Variants in RTN4 observed in about 807,000 individuals in gnomAD.
RTN4 encodes the protein reticulon 4.
RTN4 carries 32 observed loss-of-function variants against 90.4 expected under a neutral mutation model. That is an observed-to-expected ratio of 0.35 (90% confidence interval 0.27 to 0.48). The LOEUF is 0.48. Among genes scored for constraint, RTN4 ranks in the 20% least tolerant of loss-of-function variants. The pLI is 0.99. For synonymous variants in RTN4, 629 were observed against 552.5 expected, an observed-to-expected ratio of 1.14 and a Z score of -1.94; for missense variants, 1,706 against 1,430.2, an observed-to-expected ratio of 1.19 and a Z score of -3.11.
chr2:55,024,521 G>C (rs1339769024), intron 3 of RTN4, among the ~76,000 whole-genome samples: 2 of 151,908 alleles, frequency 1.3e-5, no homozygotes, highest in Non-Finnish European at 2.9e-5. Context: ...AAAATGGATA[G>C]TCAAAAGAAA....
chr2:55,113,952 G>C (rs553216205), upstream of RTN4, among the ~76,000 whole-genome samples: 1 of 152,214 alleles, frequency 6.6e-6, no homozygotes. Context: ...AAACTGGGCT[G>C]TGAAAGAAAC....
chr2:55,028,934 T>A (rs1682103494), intron 1 of RTN4, among the ~76,000 whole-genome samples: 1 of 152,216 alleles, frequency 6.6e-6, no homozygotes, highest in East Asian at 1.9e-4. Flanking sequence ...ATTTCCTTAA[T>A]CACTGTATGT....
intron 3 of RTN4, 89 bp from the exon 4 acceptor site, chr2:54,987,787 A>C: frequency 9.7e-7 from 1 of 1,030,848 alleles, no homozygotes; most frequent in Non-Finnish European, 1.4e-6. Context: ...GCTACTACAT[A>C]AAGTAAAATC....
chr2:55,016,251 T>C (rs1221685321), intron 3 of RTN4, among the ~76,000 whole-genome samples: 2 of 152,142 alleles, frequency 1.3e-5, no homozygotes, highest in African/African-American at 4.8e-5. Flanking sequence ...ATATAGAGTA[T>C]GATTCCAATT....
intron 3 of RTN4, among the ~76,000 whole-genome samples, chr2:54,993,482 T>C (rs1007097011): frequency 6.6e-6 from 1 of 152,238 alleles, no homozygotes; most frequent in Non-Finnish European, 1.5e-5. Flanking sequence ...AAGTTAATGA[T>C]ACCAGAATAG....
At chr2:55,028,565 A>G (rs1682078297) in intron 1 of RTN4, among the ~76,000 whole-genome samples, 1 of 152,230 alleles carries the variant, frequency 6.6e-6, no homozygotes, top group Admixed American at 6.5e-5. Flanking sequence ...TCACATAGGT[A>G]AATTGTCTTG....
chr2:54,979,479 A>T (rs116539669), intron 5 of RTN4, among the ~76,000 whole-genome samples: 158 of 152,376 alleles, frequency 1.0e-3, no homozygotes, highest in African/African-American at 3.6e-3. Flanking sequence ...ATAAAAAAGC[A>T]AAGTGATTTT....
intron 2 of RTN4, among the ~76,000 whole-genome samples, chr2:55,076,751 A>T (rs1668607800): frequency 6.6e-6 from 1 of 151,916 alleles, no homozygotes; most frequent in Non-Finnish European, 1.5e-5. Flanking sequence ...CTTGGGAGGG[A>T]CCCAGTGGGA....
chr2:55,020,518 T>G (rs1039948360), intron 3 of RTN4, among the ~76,000 whole-genome samples: 1 of 152,120 alleles, frequency 6.6e-6, no homozygotes, highest in Non-Finnish European at 1.5e-5. Context: ...ATTCCAATAG[T>G]AAGAATATAG....
chr2:54,979,365 CCTT>C (rs1558757492), intron 5 of RTN4, among the ~76,000 whole-genome samples: 1 of 152,066 alleles, frequency 6.6e-6, no homozygotes, highest in African/African-American at 2.4e-5. Flanking sequence ...GCCAGGAAAA[CCTT>C]CTTCTTTTTA....
intron 3 of RTN4, among the ~76,000 whole-genome samples, chr2:54,993,285 T>C (rs1320375160): frequency 6.6e-6 from 1 of 152,158 alleles, no homozygotes; most frequent in African/African-American, 2.4e-5. Flanking sequence ...CCCCATTCTG[T>C]TTCTATTCGG....
At chr2:54,973,266 A>G in intron 8 of RTN4, 68 bp from the exon 9 acceptor site, 1 of 1,291,604 alleles carries the variant, frequency 7.7e-7, no homozygotes, top group Non-Finnish European at 1.1e-6. Context: ...ATCTTCCAAG[A>G]ACTACTTGTA....
At chr2:54,996,996 C>T (rs1367891831) in intron 3 of RTN4, among the ~76,000 whole-genome samples, 4 of 151,948 alleles carry the variant, frequency 2.6e-5, no homozygotes, top group African/African-American at 9.7e-5. Context: ...CATATAACAC[C>T]AAAAGCAGAA....
rs144089719 is a variant in RTN4 at position 54,972,929 on chromosome 2, C to T, written c.*227G>A. 401 of 377,246 alleles carry T rather than the reference C, an allele frequency of 1.1e-3. No homozygotes were observed. The highest frequency in any genetic ancestry group is 1.5e-3 in the Non-Finnish European group (315 of 211,048). The allele number at this position is 377,246 out of a possible 1,614,324, so 23.4% of individuals were successfully genotyped here. A position where few individuals can be genotyped will look rare whatever the true frequency, so the allele number is the denominator to read the frequency against. On this transcript the variant is annotated 3_prime_UTR_variant, in exon 9 of 9. Coordinates refer to ENST00000337526, the MANE Select transcript of RTN4 (RefSeq NM_020532.5). ...GATAGATAGGAAAAAGATATGATTACGGTTTAAATCCATACATAGCAGCTT... is the reference window on the plus strand; with the variant it reads ...GATAGATAGGAAAAAGATATGATTATGGTTTAAATCCATACATAGCAGCTT...
In RTN4 at chr2:55,102,254, G is replaced by C. The variant is rs556532266; in HGVS notation, c.-214+10266C>G. Among the ~76,000 whole-genome samples the C allele has an allele frequency of 1.7e-4, 26 of 152,240 alleles. No individual in the cohort carries two copies. The South Asian group carries it at 2.7e-3, about 16-fold the overall frequency. On this transcript the variant is annotated intron_variant, in intron 1 of 3. Coordinates refer to the RTN4 transcript ENST00000427710. ...CTTAAATGGAATTTAGTTTGTTTTT[G>C]TAAGGCTGAAATCCCTTGAAGATGG...
chr2:55,136,634 G>C, the RTN4 span, among the ~76,000 whole-genome samples: 2 of 152,216 alleles, frequency 1.3e-5, no homozygotes, highest in Non-Finnish European at 2.9e-5. Flanking sequence ...CACTGCTGCT[G>C]ATACATTCAC....
chr2:54,973,100 T>TAATC lies in RTN4; in HGVS notation c.*52_*55dup, dbSNP rs923960836. 9.0e-6 allele frequency: 13 copies of TAATC among 1,451,896 alleles called. No individual in the cohort carries two copies. Among genetic ancestry groups the TAATC allele is most frequent in the East Asian group, 4.6e-5 (2 of 43,552 alleles). The allele number at this position is 1,451,896 out of a possible 1,614,324, so 89.9% of individuals were successfully genotyped here. Reference sequence around the variant, plus strand: ...CGTTCTTCCCTGACCCTCCCCCGTATAATCAAATGAATATCCCCTTTAAAG... The same window carrying TAATC: ...CGTTCTTCCCTGACCCTCCCCCGTATAATCAATCAAATGAATATCCCCTTTAAAG... On this transcript the variant is annotated 3_prime_UTR_variant, in exon 9 of 9. Transcript: ENST00000337526.
At chr2:54,975,591 TAAA>T (rs763780846) in intron 5 of RTN4, among the ~76,000 whole-genome samples, 43 of 152,276 alleles carry the variant, frequency 2.8e-4, no homozygotes, top group Non-Finnish European at 5.3e-4. Flanking sequence ...CATAACCCTT[TAAA>T]AATGTACACC....
intron 1 of RTN4, among the ~76,000 whole-genome samples, chr2:55,102,988 C>T (rs1434199369): frequency 6.6e-6 from 1 of 151,244 alleles, no homozygotes; most frequent in East Asian, 1.9e-4. Context: ...CATGGTGACA[C>T]ATGCCTGTAA....
Sources: allele counts gnomAD v4.1 joint callset (sites outside exome capture counted in the v4.1 genomes callset), GRCh38; gene constraint gnomAD v4.1.1; transcripts MANE v1.5; gene names NCBI Gene and HGNC (gene_info 2026-07-23, HGNC 2026-07-21).